COPZ2: variants seen among roughly 807,000 people sequenced by gnomAD.
The protein encoded by COPZ2 is coatomer subunit zeta-2.
Under a neutral mutation model 33.2 loss-of-function variants are expected in COPZ2, and 30 were observed. The observed-to-expected ratio is 0.90, with a 90% CI of 0.68 to 1.23. The LOEUF is 1.23. Among genes scored for constraint, COPZ2 ranks in the 50% most tolerant of loss-of-function variants. COPZ2 has a pLI of 0.00. For synonymous variants in COPZ2, 89 were observed against 102.6 expected (o/e 0.87, Z 0.80); for missense variants, 263 against 262.4 (o/e 1.00, Z -0.02).
chr17:48,029,539 AAAGAGTTAGG>A (rs1327867810), intron 6 of COPZ2: 14 of 332,350 alleles, frequency 4.2e-5, no homozygotes, highest in Non-Finnish European at 6.0e-5. Flanking sequence ...TTCCCTGTGA[AAAGAGTTAGG>A]AAGAGAGGCC....
At chr17:48,042,515 G>T (rs894855768), upstream of COPZ2, among the ~76,000 whole-genome samples, 1 of 152,040 alleles carries the variant, frequency 6.6e-6, no homozygotes, top group Admixed American at 6.5e-5. Context: ...AGGCTGGAGT[G>T]CAGTAGCACG....
chr17:48,031,649 A>T (rs1439260115), intron 6 of COPZ2: 1 of 155,952 alleles, frequency 6.4e-6, no homozygotes, highest in African/African-American at 2.4e-5. Context: ...CTTCACATGT[A>T]TCTTCTCACA....
In COPZ2 at chr17:48,036,922, G is replaced by C. The variant is rs1275485436; in HGVS notation, c.115C>G (p.Gln39Glu). The C allele has an allele frequency of 2.5e-6, 4 of 1,613,722 alleles. No individual in the cohort carries two copies. The highest frequency in any genetic ancestry group is 3.4e-6 in the Non-Finnish European group (4 of 1,179,688). The change falls in exon 2 of 9, where the codon CAG becomes GAG. Residue 39 changes from glutamine (Q) to glutamate (E), a missense_variant. Transcript: ENST00000621465. ...RAGEPSGLRL[Q>E]EPSLYTIKAV... ...TTGATGGTGTAGAGGGAAGGTTCCTGCAACTGACACCGGAGAGGAGAGTTC... is the reference window on the plus strand; with the variant it reads ...TTGATGGTGTAGAGGGAAGGTTCCTCCAACTGACACCGGAGAGGAGAGTTC...
chr17:48,036,223 T>A (rs1429989959), intron 2 of COPZ2, among the ~76,000 whole-genome samples: 2 of 152,178 alleles, frequency 1.3e-5, no homozygotes, highest in Non-Finnish European at 2.9e-5. Context: ...ACCTTGAGCT[T>A]CATGTCAAAA....
intron 6 of COPZ2, 136 bp downstream of exon 6, chr17:48,032,020 A>G (rs1400037381): frequency 9.9e-6 from 7 of 710,148 alleles, no homozygotes; most frequent in Non-Finnish European, 1.5e-5. Flanking sequence ...GGGCTAGGGG[A>G]ATGGGATCCC....
At chr17:48,047,899 T>C in the COPZ2 span, 1 of 152,282 alleles carries the variant, frequency 6.6e-6, no homozygotes, top group African/African-American at 2.4e-5. Context: ...ACTAGACTTT[T>C]GCAAGTCACT....
upstream of COPZ2, among the ~76,000 whole-genome samples, chr17:48,040,210 G>A (rs1445751520): frequency 4.0e-5 from 6 of 149,158 alleles, no homozygotes; most frequent in African/African-American, 7.4e-5. Flanking sequence ...TAGGTGGGAC[G>A]ATACACACGT....
At chr17:48,043,596 C>T in the COPZ2 span, 1 of 982,920 alleles carries the variant, frequency 1.0e-6, no homozygotes, top group South Asian at 4.7e-5. Flanking sequence ...GGACAGCTCT[C>T]ATTTCTTCAT....
intron 3 of COPZ2, 83 bp from the exon 4 acceptor site, chr17:48,033,385 T>C: frequency 1.3e-6 from 1 of 782,140 alleles, no homozygotes; most frequent in Non-Finnish European, 2.2e-6. Flanking sequence ...ACTCTGTGAC[T>C]CTCCTATTTC....
At chr17:48,032,621 G>T in intron 5 of COPZ2, 65 bp downstream of exon 5, 5 of 1,260,078 alleles carry the variant, frequency 4.0e-6, no homozygotes, top group Non-Finnish European at 5.7e-6. Flanking sequence ...AAACAGGGAG[G>T]AAGGGTCCTG....
intron 2 of COPZ2, among the ~76,000 whole-genome samples, chr17:48,036,642 A>G (rs1183380328): frequency 6.6e-6 from 1 of 152,208 alleles, no homozygotes; most frequent in Non-Finnish European, 1.5e-5. Context: ...CAGGATGATA[A>G]GGAAACATTT....
intron 2 of COPZ2, among the ~76,000 whole-genome samples, chr17:48,036,541 T>C (rs1033780553): frequency 5.3e-5 from 8 of 151,984 alleles, no homozygotes; most frequent in Non-Finnish European, 7.4e-5. Flanking sequence ...TGTGTGGGGG[T>C]TTGGGGACTA....
At chr17:48,033,064 C>T in intron 4 of COPZ2, 147 bp downstream of exon 4, 1 of 624,966 alleles carries the variant, frequency 1.6e-6, no homozygotes, top group Non-Finnish European at 2.9e-6. Context: ...CAGAAAGAAC[C>T]CTTCTGGCTG....
upstream of COPZ2, among the ~76,000 whole-genome samples, chr17:48,042,796 A>T (rs1370709117): frequency 6.6e-6 from 1 of 152,216 alleles, no homozygotes; most frequent in Non-Finnish European, 1.5e-5. Context: ...TTAGTGGTGA[A>T]TAAGTAAATT....
intron 2 of COPZ2, among the ~76,000 whole-genome samples, chr17:48,035,458 C>T (rs554403754): frequency 3.9e-5 from 6 of 152,260 alleles, no homozygotes; most frequent in Admixed American, 6.5e-5. Context: ...TGCAGTAGCT[C>T]GATCATGGCT....
Position 48,028,539 on chromosome 17 carries a change from G to A in COPZ2, c.547-29C>T, listed in dbSNP as rs2036847887. On this transcript the variant is annotated intron_variant, in intron 7 of 8. Coordinates refer to ENST00000621465, the MANE Select transcript of COPZ2 (RefSeq NM_016429.4). This position sits in a 1 kb window ranked among gnomAD's most constrained non-coding sequence, Gnocchi z 4.5. The stretch of plus-strand genomic sequence containing the variant: ...TAAGGAAGCAGAGTCAAGGGGTGGG[G>A]TAGGGCCAGCATGAGGGTCCTGGGT... 2 of 1,601,086 alleles carry A rather than the reference G, an allele frequency of 1.2e-6. No individual in the cohort carries two copies. The highest frequency in any genetic ancestry group is 1.7e-6 in the Non-Finnish European group (2 of 1,174,128).
At chr17:48,039,585 G>A (rs925248824), upstream of COPZ2, among the ~76,000 whole-genome samples, 8 of 151,948 alleles carry the variant, frequency 5.3e-5, no homozygotes, top group African/African-American at 9.7e-5. Flanking sequence ...GGTCTTGAAC[G>A]CCTAGGCTCA....
chr17:48,030,870 A>G (rs867697834), intron 6 of COPZ2, among the ~76,000 whole-genome samples: 16 of 152,204 alleles, frequency 1.1e-4, no homozygotes, highest in Admixed American at 1.3e-4. Context: ...TTCCTTCAAG[A>G]GGGTTCACCA....
the COPZ2 span, among the ~76,000 whole-genome samples, chr17:48,044,403 CTTTT>C: frequency 4.9e-5 from 5 of 101,756 alleles, no homozygotes; most frequent in Non-Finnish European, 7.7e-5. Context: ...CAATCTTTTG[CTTTT>C]TTTTTTTTTT....
Sources: gnomAD v4.1 joint callset for allele counts (sites outside exome capture counted in the v4.1 genomes callset) on GRCh38, gnomAD v4.1.1 for gene constraint, Gnocchi (gnomAD v3.1) non-coding constraint, MANE v1.5 for transcripts, NCBI Gene and HGNC (gene_info 2026-07-23, HGNC 2026-07-21) for gene names.